BIN2: variants seen among roughly 807,000 people sequenced by gnomAD.
BIN2 encodes breast cancer associated protein BRAP1.
A neutral mutation model predicts 67.9 loss-of-function variants in BIN2; 43 were observed. The observed-to-expected ratio is 0.63, with a 90% CI of 0.50 to 0.82. The LOEUF is 0.82. Ranked by LOEUF, BIN2 falls within the 40% of genes least tolerant of loss-of-function variation. The pLI, the probability that BIN2 is intolerant of heterozygous loss-of-function variation, is 0.00. For missense variants in BIN2, 581 were observed against 671.6 expected (o/e 0.87, Z 1.49); for synonymous variants, 244 against 246.8 (o/e 0.99, Z 0.11).
rs1473308696 is a variant in BIN2, at chr12:51,306,594, T to C, written c.163-3453A>G. On this transcript the variant is annotated intron_variant, in intron 2 of 12. Transcript: ENST00000615107. ...GTGAGCTGCAATTGCGCCATTGCAC[T>C]GCAGCCTGGGCGACACAGCAGACTC... Among the ~76,000 whole-genome samples the C allele has an allele frequency of 3.3e-5, 5 of 152,290 alleles. 1 individual carries two copies. In the South Asian group the frequency reaches 1.0e-3, roughly 32 times the overall value.
Position 51,292,121 on chromosome 12 carries a change from TTG to T in BIN2, c.983_984del (p.Ala328GlufsTer4). The T allele has an allele frequency of 6.2e-7, 1 of 1,614,120 alleles. No individual in the cohort carries two copies. Among genetic ancestry groups the T allele is most frequent in the Non-Finnish European group, 8.5e-7 (1 of 1,180,022 alleles). On this transcript the variant is annotated frameshift_variant, in exon 10 of 13. Coordinates refer to ENST00000615107, the MANE Select transcript of BIN2 (RefSeq NM_016293.4). LOFTEE classifies it high-confidence loss of function. ...EEEIEKEGSEASSSEEDEPLP... is the reference protein window; with the variant it reads ...EEEIEKEGSEXSSSEEDEPLP... ...AGAGGCTCATCTTCCTCAGAGGAGC[TTG>T]CTTCAGATCCTTCCTTCTCTATTTC...
rs375237081 is a variant in BIN2 at position 51,302,638 on chromosome 12, C to T, written c.312+48G>A. ...GAGAAGCTAAGCTGAGGTTGAGATG[C>T]AAACAGGAGTAAGTGCCAATAAGTT... On this transcript the variant is annotated intron_variant, in intron 4 of 12. Transcript: ENST00000615107. 64 of 1,472,418 alleles carry T rather than the reference C, an allele frequency of 4.3e-5. 1 individual carries two copies. The East Asian group carries it at 1.3e-3, about 30-fold the overall frequency. 91.2% of individuals were successfully genotyped at this position (1,472,418 alleles called of 1,614,324 possible).
intron 7 of BIN2, 113 bp downstream of exon 7, chr12:51,299,085 AAAAGG>A: frequency 4.1e-5 from 28 of 681,316 alleles, no homozygotes; most frequent in Admixed American, 9.1e-5. Context: ...GAAAAAAAAA[AAAAGG>A]GGGCGGGGCA....
chr12:51,287,507 A>AT (rs1318142390), intron 11 of BIN2, among the ~76,000 whole-genome samples: 4 of 147,528 alleles, frequency 2.7e-5, no homozygotes, highest in Admixed American at 2.7e-4. Context: ...TAATTTTTGT[A>AT]TTTTTAGTAG....
chr12:51,320,932 T>TG (rs1946255982), intron 1 of BIN2, among the ~76,000 whole-genome samples: 1 of 55,380 alleles, frequency 1.8e-5, no homozygotes, highest in Admixed American at 1.9e-4. Context: ...TGTATCATAC[T>TG]AAAAACACAC....
At chr12:51,296,279 G>A (rs950987133) in intron 8 of BIN2, among the ~76,000 whole-genome samples, 4 of 152,104 alleles carry the variant, frequency 2.6e-5, no homozygotes, top group African/African-American at 7.2e-5. Flanking sequence ...GGCGGATCAC[G>A]AGGTCAGGAG....
At chr12:51,297,258 C>T in intron 7 of BIN2, 94 bp from the exon 8 acceptor site, 1 of 1,239,412 alleles carries the variant, frequency 8.1e-7, no homozygotes, top group Non-Finnish European at 1.2e-6. Context: ...CCAAAACCAG[C>T]CACCAAGGCT....
At chr12:51,319,962 C>T (rs771789165) in intron 1 of BIN2, among the ~76,000 whole-genome samples, 2 of 151,344 alleles carry the variant, frequency 1.3e-5, no homozygotes, top group African/African-American at 4.9e-5. Flanking sequence ...TTTCTCTTTC[C>T]TTCCTTCCTT....
At chr12:51,318,261 TC>T (rs1390071841) in intron 1 of BIN2, among the ~76,000 whole-genome samples, 42 of 144,132 alleles carry the variant, frequency 2.9e-4, no homozygotes, top group African/African-American at 9.9e-4. Flanking sequence ...ATATCTCCAT[TC>T]TTTTTTTTTT....
At chr12:51,313,004 G>T (rs1446775754) in intron 2 of BIN2, among the ~76,000 whole-genome samples, 1 of 152,084 alleles carries the variant, frequency 6.6e-6, no homozygotes, top group African/African-American at 2.4e-5. Context: ...AGGCCAAGGT[G>T]GGTGGATCAT....
intron 1 of BIN2, among the ~76,000 whole-genome samples, chr12:51,319,761 T>A (rs1180006172): frequency 6.6e-6 from 1 of 152,084 alleles, no homozygotes; most frequent in Non-Finnish European, 1.5e-5. Context: ...AATAGAGCTT[T>A]AAAAAAAATT....
intron 8 of BIN2, 34 bp downstream of exon 8, chr12:51,297,055 A>T: frequency 6.4e-7 from 1 of 1,561,900 alleles, no homozygotes. Flanking sequence ...TAGAAAACAC[A>T]CCTAGGAGCC....
rs1168899685 is a variant in BIN2 at position 51,305,826 on chromosome 12, CTTTTTTTTTTT to C, written c.163-2696_163-2686del. ...GCCTCCAGAGCTCACTGTTTTCTTT[CTTTTTTTTTTT>C]TTTTTTTTTTTTTTGAGATGGAGTC... On this transcript the variant is annotated intron_variant, in intron 2 of 12. Coordinates refer to ENST00000615107, the MANE Select transcript of BIN2 (RefSeq NM_016293.4). Among the ~76,000 whole-genome samples the C allele has an allele frequency of 7.3e-5, 6 of 82,412 alleles. 1 individual carries two copies. Among genetic ancestry groups the C allele is most frequent in the African/African-American group, 9.2e-5 (2 of 21,690 alleles). The allele number at this position is 82,412 out of a possible 152,430, so 54.1% of individuals were successfully genotyped here.
intron 2 of BIN2, among the ~76,000 whole-genome samples, chr12:51,310,073 A>G (rs1321845765): frequency 6.6e-6 from 1 of 152,210 alleles, no homozygotes; most frequent in Non-Finnish European, 1.5e-5. Flanking sequence ...TTACTTTACT[A>G]TTAACATCAC....
At chr12:51,300,917 G>A (rs560644036) in intron 5 of BIN2, among the ~76,000 whole-genome samples, 3 of 152,294 alleles carry the variant, frequency 2.0e-5, no homozygotes, top group African/African-American at 7.2e-5. Flanking sequence ...GCTTGACAGA[G>A]TAGGTGTTTA....
Position 51,300,243 on chromosome 12 carries a change from A to C in BIN2, c.409-529T>G, listed in dbSNP as rs948400465. 5.4e-4 allele frequency among the ~76,000 whole-genome samples: 82 copies of C among 152,108 alleles called. 1 individual carries two copies. Among genetic ancestry groups the C allele is most frequent in the African/African-American group, 1.9e-3 (77 of 41,498 alleles). On this transcript the variant is annotated intron_variant, in intron 5 of 12. Coordinates refer to ENST00000615107, the MANE Select transcript of BIN2 (RefSeq NM_016293.4). ...GATAGAGTCCTACAGAGCATGTGGA[A>C]ATCTGTATTAATTATATATATGTAA...
In BIN2 at chr12:51,288,216, G is replaced by C. The variant is rs554955208; in HGVS notation, c.1516-28C>G. The C allele has an allele frequency of 2.8e-5, 44 of 1,594,694 alleles. No homozygotes were observed. The South Asian group carries it at 4.6e-4, about 17-fold the overall frequency. ...GTGAATCAAAGTGAACAATGGAGGA[G>C]AGAGTCCCACACCTTCCACCTGGGG... On this transcript the variant is annotated intron_variant, in intron 10 of 12. Transcript: ENST00000615107.
At chr12:51,323,992 C>G (rs201412769) in intron 1 of BIN2, 30 bp downstream of exon 1, 127 of 1,610,274 alleles carry the variant, frequency 7.9e-5, no homozygotes, top group Non-Finnish European at 1.0e-4. Flanking sequence ...TCCCTGTGGG[C>G]CAGACAGACA....
intron 11 of BIN2, among the ~76,000 whole-genome samples, chr12:51,287,240 A>T (rs560135089): frequency 2.4e-3 from 358 of 151,846 alleles, no homozygotes; most frequent in African/African-American, 8.1e-3. Flanking sequence ...AGTGTCGAAC[A>T]CCTGGGCTCA....
Sources: gnomAD v4.1 joint callset for allele counts (sites outside exome capture counted in the v4.1 genomes callset) on GRCh38, gnomAD v4.1.1 for gene constraint, MANE v1.5 for transcripts, NCBI Gene and HGNC (gene_info 2026-07-23, HGNC 2026-07-21) for gene names.